The following VWA3A variants were observed in gnomAD, a reference collection of about 807,000 sequenced individuals.
VWA3A encodes the protein von Willebrand factor A domain-containing protein 3A.
VWA3A carries 134 observed loss-of-function variants against 160.4 expected under a neutral mutation model. The observed-to-expected ratio is 0.84, with a 90% CI of 0.73 to 0.96. The LOEUF is 0.96. Ranked by LOEUF, VWA3A falls within the 40% of genes least tolerant of loss-of-function variation. VWA3A has a pLI of 0.00. For missense variants in VWA3A, 1,310 were observed against 1,447.9 expected (o/e 0.90, Z 1.55); for synonymous variants, 476 against 543.4 (o/e 0.88, Z 1.72).
At position 22,150,820 on chromosome 16, in the gene VWA3A, C is replaced by T; in HGVS notation, c.3255C>T (p.His1085=). The change falls in exon 30 of 34, where the codon CAC becomes CAT. Residue 1085 remains histidine, a synonymous_variant. Coordinates refer to ENST00000389398, the MANE Select transcript of VWA3A (RefSeq NM_173615.5). ...KLREKRDVKV[H]TISLNCSDRA... ...GGGAGAAAAGAGATGTGAAAGTGCA[C>T]ACCATTTCCTTGAACTGCTCAGACA... 1 of 1,613,528 alleles carries T rather than the reference C, an allele frequency of 6.2e-7. No homozygotes were observed. The highest frequency in any genetic ancestry group is 8.5e-7 in the Non-Finnish European group (1 of 1,179,678).
chr16:22,135,947 G>A (rs2046032239), intron 21 of VWA3A, among the ~76,000 whole-genome samples: 2 of 151,778 alleles, frequency 1.3e-5, no homozygotes, highest in Admixed American at 6.6e-5. Context: ...CCGCCACCAC[G>A]CCTGACTGAT....
At chr16:22,146,869 A>C (rs1377500839) in intron 27 of VWA3A, among the ~76,000 whole-genome samples, 1 of 152,072 alleles carries the variant, frequency 6.6e-6, no homozygotes, top group Admixed American at 6.5e-5. Context: ...GCTCACACGC[A>C]TCCCAGCCTG....
At chr16:22,135,132 G>T (rs2046017237) in intron 21 of VWA3A, among the ~76,000 whole-genome samples, 1 of 152,302 alleles carries the variant, frequency 6.6e-6, no homozygotes, top group Non-Finnish European at 1.5e-5. Context: ...TATCAAGGAT[G>T]GGACAGGTCT....
intron 9 of VWA3A, 89 bp from the exon 10 acceptor site, chr16:22,116,670 G>C (rs1598061612): frequency 9.6e-7 from 1 of 1,036,976 alleles, no homozygotes; most frequent in African/African-American, 1.6e-5. Context: ...AGAATGGGTA[G>C]ATGTTCCTTG....
rs575136005 is a variant in VWA3A at position 22,125,665 on chromosome 16, C to T, written c.1533-513C>T. On this transcript the variant is annotated intron_variant, in intron 16 of 33. Transcript: ENST00000389398. ...GTCCCAATCTCCTGACCTTGTGATCCGCCCGCCTCGGCCTCCCAGAGTGCT... is the reference window on the plus strand; with the variant it reads ...GTCCCAATCTCCTGACCTTGTGATCTGCCCGCCTCGGCCTCCCAGAGTGCT... Among the ~76,000 whole-genome samples, 10 of 152,074 alleles carry T rather than the reference C, an allele frequency of 6.6e-5. No individual in the cohort carries two copies. The East Asian group carries it at 2.0e-3, about 30-fold the overall frequency.
At chr16:22,145,413 C>A (rs574149841) in intron 26 of VWA3A, among the ~76,000 whole-genome samples, 1 of 151,998 alleles carries the variant, frequency 6.6e-6, no homozygotes, top group African/African-American at 2.4e-5. Flanking sequence ...CCAAGGCGGG[C>A]GGATCACCTG....
chr16:22,109,346 TA>T, intron 6 of VWA3A, 135 bp from the exon 7 acceptor site: 1 of 703,410 alleles, frequency 1.4e-6, no homozygotes, highest in Non-Finnish European at 2.4e-6. Flanking sequence ...TTTTCCCTTA[TA>T]AAATGAGGTT....
At chr16:22,125,406 G>GTGTTTTGTTTTGTTT (rs112076824) in intron 16 of VWA3A, among the ~76,000 whole-genome samples, 3 of 148,982 alleles carry the variant, frequency 2.0e-5, no homozygotes, top group East Asian at 2.0e-4. Flanking sequence ...TTTGTTGTGT[G>GTGTTTTGTTTTGTTT]TGTTTTGTTT....
At chr16:22,145,414 G>A (rs917859847) in intron 26 of VWA3A, among the ~76,000 whole-genome samples, 33 of 152,044 alleles carry the variant, frequency 2.2e-4, no homozygotes, top group Non-Finnish European at 4.3e-4. Context: ...CAAGGCGGGC[G>A]GATCACCTGA....
intron 26 of VWA3A, among the ~76,000 whole-genome samples, chr16:22,144,964 TGGGCCGTGGCTGAAGTG>T: frequency 6.6e-6 from 1 of 152,062 alleles, no homozygotes; most frequent in Non-Finnish European, 1.5e-5. Context: ...CTGAGAAGAT[TGGGCCGTGGCTGAAGTG>T]TTCACCCATA....
At chr16:22,143,043 G>A (rs985411604) in intron 25 of VWA3A, among the ~76,000 whole-genome samples, 4 of 151,866 alleles carry the variant, frequency 2.6e-5, no homozygotes, top group Non-Finnish European at 5.9e-5. Context: ...CCAGCTACTT[G>A]GGAGGCTACA....
At chr16:22,133,234 AAGAT>A in intron 20 of VWA3A, 139 bp downstream of exon 20, 1 of 989,254 alleles carries the variant, frequency 1.0e-6, no homozygotes, top group Non-Finnish European at 1.5e-6. Flanking sequence ...TGTTCCTCTG[AAGAT>A]AGATAGCAGT....
chr16:22,140,567 C>A (rs2046127817), intron 23 of VWA3A, among the ~76,000 whole-genome samples: 1 of 151,648 alleles, frequency 6.6e-6, no homozygotes, highest in Non-Finnish European at 1.5e-5. Context: ...CATTGCACCA[C>A]TGCACTCTAA....
At position 22,117,091 on chromosome 16, in the gene VWA3A, C is replaced by G. The variant is rs1277544673; in HGVS notation, c.925-20C>G. The G allele has an allele frequency of 2.5e-6, 4 of 1,569,898 alleles. No homozygotes were observed. The highest frequency in any genetic ancestry group is 3.5e-6 in the Non-Finnish European group (4 of 1,156,978). On this transcript the variant is annotated intron_variant, in intron 10 of 33. Coordinates refer to ENST00000389398, the MANE Select transcript of VWA3A (RefSeq NM_173615.5). ...TTGGTGTTGCCCTAGTGAGGCCTGA[C>G]CCTGGCCTCATCCCTGCAGGCTGTC...
chr16:22,140,286 G>C (rs367640255), intron 23 of VWA3A, 42 bp downstream of exon 23: 24 of 1,587,074 alleles, frequency 1.5e-5, no homozygotes, highest in Non-Finnish European at 2.0e-5. Flanking sequence ...GGGATGTCAC[G>C]GTCACGGCTG....
intron 14 of VWA3A, 120 bp from the exon 15 acceptor site, chr16:22,122,965 C>A: frequency 1.3e-6 from 1 of 772,304 alleles, no homozygotes; most frequent in Admixed American, 2.1e-5. Flanking sequence ...TTCGATCCGA[C>A]CTCAAATGTG....
chr16:22,150,589 A>T, intron 29 of VWA3A, 106 bp from the exon 30 acceptor site: 1 of 1,339,926 alleles, frequency 7.5e-7, no homozygotes, highest in East Asian at 2.5e-5. Context: ...ATCCAATCAG[A>T]TGCATTTTGG....
chr16:22,097,548 A>G, intron 2 of VWA3A, 24 bp from the exon 3 acceptor site: 1 of 1,550,474 alleles, frequency 6.4e-7, no homozygotes, highest in Non-Finnish European at 8.7e-7. Context: ...TGGGGCATTG[A>G]TCAAATTACT....
intron 28 of VWA3A, among the ~76,000 whole-genome samples, chr16:22,149,499 C>G (rs1236248043): frequency 6.6e-6 from 1 of 152,268 alleles, no homozygotes; most frequent in East Asian, 1.9e-4. Flanking sequence ...CCCAGCTTGG[C>G]CTTCCAAAGT....
Sources: allele counts gnomAD v4.1 joint callset (sites outside exome capture counted in the v4.1 genomes callset), GRCh38; gene constraint gnomAD v4.1.1; transcripts MANE v1.5; gene names NCBI Gene and HGNC (gene_info 2026-07-23, HGNC 2026-07-21).